The following GALNT13 variants were observed in gnomAD, a reference collection of about 807,000 sequenced individuals.
The protein encoded by GALNT13 is polypeptide N-acetylgalactosaminyltransferase 13.
A neutral mutation model predicts 64.2 loss-of-function variants in GALNT13; 28 were observed. The observed-to-expected ratio is 0.44, with a 90% CI of 0.32 to 0.60. GALNT13 has a LOEUF of 0.60. Among genes scored for constraint, GALNT13 ranks in the 20% least tolerant of loss-of-function variants. The pLI, the probability that GALNT13 is intolerant of heterozygous loss-of-function variation, is 0.05. For missense variants in GALNT13, 577 were observed against 669.8 expected (o/e 0.86, Z 1.53); for synonymous variants, 214 against 224.6 (o/e 0.95, Z 0.42).
the GALNT13 span, among the ~76,000 whole-genome samples, chr2:153,611,296 C>T: frequency 6.6e-6 from 1 of 152,086 alleles, no homozygotes; most frequent in East Asian, 1.9e-4. Flanking sequence ...CTCAGCATAC[C>T]TAATACATGA....
At chr2:154,177,734 C>T (rs1381184364) in intron 4 of GALNT13, among the ~76,000 whole-genome samples, 3 of 152,052 alleles carry the variant, frequency 2.0e-5, no homozygotes, top group African/African-American at 7.2e-5. Context: ...AAAAATAATG[C>T]TATTTAATAT....
At chr2:153,777,442 C>T in the GALNT13 span, among the ~76,000 whole-genome samples, 4 of 152,084 alleles carry the variant, frequency 2.6e-5, no homozygotes, top group Admixed American at 6.6e-5. Flanking sequence ...ATCACCAATG[C>T]GATAGTTTAA....
chr2:153,213,323 CTG>C, the GALNT13 span, among the ~76,000 whole-genome samples: 5 of 152,190 alleles, frequency 3.3e-5, no homozygotes, highest in East Asian at 5.8e-4. Context: ...ACTTAGGAAT[CTG>C]TCAATCTCAT....
intron 4 of GALNT13, among the ~76,000 whole-genome samples, chr2:154,141,097 A>G (rs1683231688): frequency 6.6e-6 from 1 of 152,164 alleles, no homozygotes. Flanking sequence ...ACACGGTGTA[A>G]CAGATAAAAA....
At chr2:153,787,041 C>T in the GALNT13 span, among the ~76,000 whole-genome samples, 1 of 152,102 alleles carries the variant, frequency 6.6e-6, no homozygotes, top group African/African-American at 2.4e-5. Context: ...AAGTAAAAGA[C>T]CTTCAGCCAC....
chr2:153,258,588 C>T, the GALNT13 span, among the ~76,000 whole-genome samples: 1 of 152,032 alleles, frequency 6.6e-6, no homozygotes, highest in Non-Finnish European at 1.5e-5. Context: ...GATGTAGGTG[C>T]TTATTGCTAT....
At chr2:153,319,389 T>A in the GALNT13 span, among the ~76,000 whole-genome samples, 2 of 152,156 alleles carry the variant, frequency 1.3e-5, no homozygotes, top group Non-Finnish European at 2.9e-5. Flanking sequence ...TCCTCCCACC[T>A]CAGCCTTCTG....
the GALNT13 span, among the ~76,000 whole-genome samples, chr2:153,145,847 A>G: frequency 6.6e-6 from 1 of 152,040 alleles, no homozygotes; most frequent in South Asian, 2.1e-4. Context: ...ACCTCGAACT[A>G]TTAAAATCTA....
In GALNT13 at chr2:154,025,073, C is replaced by T. The variant is rs529313670; in HGVS notation, c.142+80434C>T. Among the ~76,000 whole-genome samples the T allele has an allele frequency of 2.0e-5, 3 of 152,252 alleles. No individual in the cohort carries two copies. The South Asian group carries it at 6.2e-4, about 32-fold the overall frequency. On this transcript the variant is annotated intron_variant, in intron 3 of 12. Transcript: ENST00000392825. ...CTGGAAGTTTTGGCTCAGAGGAGTACCCAGCCGTGTAAGTTGTCAGTCCGC... is the reference window on the plus strand; with the variant it reads ...CTGGAAGTTTTGGCTCAGAGGAGTATCCAGCCGTGTAAGTTGTCAGTCCGC...
chr2:153,514,447 C>G, the GALNT13 span, among the ~76,000 whole-genome samples: 1 of 152,134 alleles, frequency 6.6e-6, no homozygotes, highest in African/African-American at 2.4e-5. Flanking sequence ...TTTGTAGTGT[C>G]TTGCCAAACC....
chr2:154,177,793 G>A (rs1200954029), intron 4 of GALNT13, among the ~76,000 whole-genome samples: 4 of 152,122 alleles, frequency 2.6e-5, no homozygotes, highest in Admixed American at 2.0e-4. Flanking sequence ...ATGAGGCAGA[G>A]AAAGACCAGA....
At chr2:153,847,586 A>G in the GALNT13 span, among the ~76,000 whole-genome samples, 2 of 152,272 alleles carry the variant, frequency 1.3e-5, no homozygotes, top group East Asian at 3.9e-4. Flanking sequence ...AAATTCCTAG[A>G]TATTTGGAAA....
the GALNT13 span, among the ~76,000 whole-genome samples, chr2:153,345,719 G>GTCCATCCT: frequency 2.5e-5 from 2 of 79,976 alleles, no homozygotes; most frequent in Admixed American, 1.5e-4. Context: ...CTCTCTTTCT[G>GTCCATCCT]TCCTTCCTTC....
At chr2:154,090,838 T>G (rs986132231) in intron 3 of GALNT13, among the ~76,000 whole-genome samples, 22 of 152,026 alleles carry the variant, frequency 1.4e-4, no homozygotes, top group African/African-American at 5.3e-4. Context: ...ATACAACATT[T>G]AAAAAACCGA....
chr2:154,173,225 G>A (rs962943861), intron 4 of GALNT13, among the ~76,000 whole-genome samples: 12 of 151,874 alleles, frequency 7.9e-5, no homozygotes, highest in Admixed American at 6.6e-5. Context: ...CATACACTGG[G>A]GAATGAACAG....
chr2:153,884,529 G>C (rs958233484), intron 1 of GALNT13, among the ~76,000 whole-genome samples: 3 of 151,596 alleles, frequency 2.0e-5, no homozygotes, highest in African/African-American at 7.3e-5. Context: ...ATTCCCTATA[G>C]TACTACATTA....
intron 3 of GALNT13, among the ~76,000 whole-genome samples, chr2:154,011,511 A>C (rs1368138338): frequency 3.3e-5 from 5 of 152,212 alleles, no homozygotes; most frequent in East Asian, 1.9e-4. Context: ...TTTACAGTAC[A>C]TTTCATGTGC....
intron 11 of GALNT13, among the ~76,000 whole-genome samples, chr2:154,421,624 C>T (rs1044906037): frequency 1.3e-5 from 2 of 151,224 alleles, no homozygotes; most frequent in Non-Finnish European, 2.9e-5. Flanking sequence ...CTATTCTTAA[C>T]ATTAAAAGCT....
At chr2:153,909,640 G>T (rs1325616961) in intron 2 of GALNT13, among the ~76,000 whole-genome samples, 1 of 151,958 alleles carries the variant, frequency 6.6e-6, no homozygotes, top group Non-Finnish European at 1.5e-5. Flanking sequence ...AACATGAAGG[G>T]ATGTTGAATT....
Sources: gnomAD v4.1 joint callset for allele counts (sites outside exome capture counted in the v4.1 genomes callset) on GRCh38, gnomAD v4.1.1 for gene constraint, MANE v1.5 for transcripts, NCBI Gene and HGNC (gene_info 2026-07-23, HGNC 2026-07-21) for gene names.